GRIA4: variants seen among roughly 807,000 people sequenced by gnomAD.
The protein encoded by GRIA4 is glutamate receptor 4.
A neutral mutation model predicts 104.0 loss-of-function variants in GRIA4; 34 were observed. The ratio of observed to expected loss-of-function variants is 0.33; its 90% CI spans 0.25 to 0.44. The LOEUF is 0.44. GRIA4 is among the 20% of genes least tolerant of loss of function. The pLI is 1.00. For missense variants in GRIA4, 750 were observed against 1,096.5 expected (o/e 0.68, Z 4.46); for synonymous variants, 386 against 381.9 (o/e 1.01, Z -0.13).
intron 5 of GRIA4, among the ~76,000 whole-genome samples, chr11:105,881,999 G>A (rs1946082266): frequency 6.6e-6 from 1 of 152,060 alleles, no homozygotes; most frequent in Non-Finnish European, 1.5e-5. Context: ...TTTTTCTTTT[G>A]ATGGAACTGA....
At chr11:105,962,785 C>T (rs372627657) in intron 14 of GRIA4, among the ~76,000 whole-genome samples, 2 of 152,096 alleles carry the variant, frequency 1.3e-5, no homozygotes, top group South Asian at 2.1e-4. Flanking sequence ...AAATGTGGTC[C>T]CTTATTGCTT....
intron 4 of GRIA4, among the ~76,000 whole-genome samples, chr11:105,809,689 C>T (rs937545390): frequency 2.0e-5 from 3 of 152,108 alleles, no homozygotes; most frequent in African/African-American, 7.2e-5. Flanking sequence ...CCTTTGCCTT[C>T]TGTCATGATT....
chr11:105,800,874 C>T (rs1942692104), intron 4 of GRIA4, among the ~76,000 whole-genome samples: 1 of 151,702 alleles, frequency 6.6e-6, no homozygotes, highest in Admixed American at 6.6e-5. Flanking sequence ...TTAATATTAG[C>T]CTAGAATCAT....
chr11:105,861,550 A>G (rs931424010), intron 4 of GRIA4, among the ~76,000 whole-genome samples: 1 of 152,180 alleles, frequency 6.6e-6, no homozygotes, highest in African/African-American at 2.4e-5. Context: ...TGAGTCCTCA[A>G]TAAATACTGT....
chr11:105,724,447 T>C (rs1938057886), intron 3 of GRIA4, among the ~76,000 whole-genome samples: 1 of 151,526 alleles, frequency 6.6e-6, no homozygotes, highest in Admixed American at 6.6e-5. Context: ...TATTCAGCCA[T>C]GATAAAGAAT....
chr11:105,653,999 C>CAAAAAAAAAAAAAAAAAAAAAAAAAAAAA, intron 3 of GRIA4, among the ~76,000 whole-genome samples: 6 of 50,286 alleles, frequency 1.2e-4, no homozygotes, highest in African/African-American at 1.6e-4. Flanking sequence ...ACTATTTAGC[C>CAAAAAAAAAAAAAAAAAAAAAAAAAAAAA]AAAAAAAAAA....
At chr11:105,730,307 G>A (rs1836543968) in intron 3 of GRIA4, among the ~76,000 whole-genome samples, 1 of 152,044 alleles carries the variant, frequency 6.6e-6, no homozygotes, top group Admixed American at 6.6e-5. Context: ...AAATACCTAG[G>A]AATACAACTT....
chr11:105,802,566 T>C (rs1040723608), intron 4 of GRIA4, among the ~76,000 whole-genome samples: 3 of 152,108 alleles, frequency 2.0e-5, no homozygotes, highest in Non-Finnish European at 4.4e-5. Flanking sequence ...ACTATTAAAC[T>C]TCTCAGTCTA....
intron 3 of GRIA4, among the ~76,000 whole-genome samples, chr11:105,703,603 C>G (rs1224766756): frequency 6.6e-6 from 1 of 152,098 alleles, no homozygotes; most frequent in Non-Finnish European, 1.5e-5. Flanking sequence ...AACAGGAAGA[C>G]AGTAGTTATT....
chr11:105,725,693 A>C (rs1938963), intron 3 of GRIA4, among the ~76,000 whole-genome samples: 70,885 of 151,802 alleles, frequency 0.47, 17,369 homozygotes, highest in Admixed American at 0.58. Flanking sequence ...AACTGAGGAA[A>C]CCGGTTCATC....
intron 3 of GRIA4, among the ~76,000 whole-genome samples, chr11:105,625,572 AT>A (rs1201107871): frequency 4.6e-5 from 7 of 152,184 alleles, no homozygotes; most frequent in African/African-American, 1.7e-4. Context: ...TTGTTAAAAT[AT>A]AATAACTTAA....
At position 105,731,179 on chromosome 11, in the gene GRIA4, A is replaced by G. The variant is rs568139240; in HGVS notation, c.248-21802A>G. Among the ~76,000 whole-genome samples the G allele has an allele frequency of 5.9e-5, 9 of 152,334 alleles. No homozygotes were observed. The South Asian group carries it at 1.7e-3, about 28-fold the overall frequency. On this transcript the variant is annotated intron_variant, in intron 3 of 16. Coordinates refer to ENST00000282499, the MANE Select transcript of GRIA4 (RefSeq NM_000829.4). ...CTACAAGGAACTTAAACAAATTTAC[A>G]AGAAAAAAACAAACAGCCCCATCAA... is the stretch of plus-strand genomic sequence containing the variant.
intron 3 of GRIA4, among the ~76,000 whole-genome samples, chr11:105,670,880 A>C (rs1335914484): frequency 3.9e-5 from 6 of 152,140 alleles, no homozygotes; most frequent in African/African-American, 2.4e-5. Context: ...GGCTAAAATC[A>C]ATAGATCAGT....
intron 3 of GRIA4, among the ~76,000 whole-genome samples, chr11:105,656,764 A>G (rs1162670002): frequency 1.3e-5 from 2 of 152,108 alleles, no homozygotes; most frequent in Non-Finnish European, 2.9e-5. Flanking sequence ...TTAACATATT[A>G]GTGATGTTTT....
chr11:105,648,610 C>CT, intron 3 of GRIA4, among the ~76,000 whole-genome samples: 1 of 150,858 alleles, frequency 6.6e-6, no homozygotes, highest in African/African-American at 2.4e-5. Context: ...AAAGAAAGAA[C>CT]TAGGAAGGGA....
chr11:105,726,082 C>G (rs1489872943), intron 3 of GRIA4, among the ~76,000 whole-genome samples: 1 of 152,094 alleles, frequency 6.6e-6, no homozygotes, highest in Non-Finnish European at 1.5e-5. Flanking sequence ...GCCAGGGAGC[C>G]AAGTGGTCTT....
At chr11:105,956,423 G>C (rs1948592575) in intron 14 of GRIA4, among the ~76,000 whole-genome samples, 1 of 152,070 alleles carries the variant, frequency 6.6e-6, no homozygotes, top group Non-Finnish European at 1.5e-5. Flanking sequence ...CCATGTCCCT[G>C]AAAAGGACAT....
chr11:105,796,997 G>A (rs1942503911), intron 4 of GRIA4, among the ~76,000 whole-genome samples: 1 of 151,962 alleles, frequency 6.6e-6, no homozygotes, highest in Non-Finnish European at 1.5e-5. Context: ...TTGGGTGGCC[G>A]AGGTGGGTGG....
chr11:105,972,530 G>T (rs568825641), intron 15 of GRIA4, among the ~76,000 whole-genome samples: 4 of 152,082 alleles, frequency 2.6e-5, no homozygotes, highest in African/African-American at 9.7e-5. Context: ...TTATATTTCT[G>T]TGCTGATAGA....
Sources: allele counts gnomAD v4.1 joint callset (sites outside exome capture counted in the v4.1 genomes callset), GRCh38; gene constraint gnomAD v4.1.1; transcripts MANE v1.5; gene names NCBI Gene and HGNC (gene_info 2026-07-23, HGNC 2026-07-21).